Variants in CADPS2 observed in about 807,000 individuals in gnomAD.
CADPS2 encodes calcium-dependent secretion activator 2.
CADPS2 carries 93 observed loss-of-function variants against 172.5 expected under a neutral mutation model. The observed-to-expected ratio is 0.54, with a 90% CI of 0.46 to 0.64. CADPS2 has a LOEUF of 0.64. CADPS2 is among the 30% of genes least tolerant of loss of function. The pLI, the probability that CADPS2 is intolerant of heterozygous loss-of-function variation, is 0.00. For synonymous variants in CADPS2, 546 were observed against 555.2 expected, an observed-to-expected ratio of 0.98 and a Z score of 0.23; for missense variants, 1,420 against 1,565.9, an observed-to-expected ratio of 0.91 and a Z score of 1.57.
At chr7:122,463,669 C>T (rs1056599475) in intron 14 of CADPS2, among the ~76,000 whole-genome samples, 1 of 152,062 alleles carries the variant, frequency 6.6e-6, no homozygotes, top group Non-Finnish European at 1.5e-5. Flanking sequence ...GATGACATAA[C>T]CTCACTAAGG....
At chr7:122,746,650 C>T (rs1175348513) in intron 1 of CADPS2, among the ~76,000 whole-genome samples, 3 of 151,998 alleles carry the variant, frequency 2.0e-5, no homozygotes, top group Admixed American at 1.3e-4. Flanking sequence ...CAGACACACA[C>T]ACACACACAC....
At chr7:122,609,625 C>T (rs1312183985) in intron 6 of CADPS2, among the ~76,000 whole-genome samples, 1 of 152,152 alleles carries the variant, frequency 6.6e-6, no homozygotes, top group African/African-American at 2.4e-5. Flanking sequence ...TCTATCAATA[C>T]CATGTTTATT....
intron 2 of CADPS2, among the ~76,000 whole-genome samples, chr7:122,726,905 A>G (rs1162683714): frequency 1.3e-5 from 2 of 152,032 alleles, no homozygotes; most frequent in African/African-American, 4.8e-5. Context: ...ATAAAACTAA[A>G]TAACTTCCTG....
At chr7:122,669,171 A>T (rs2081497473) in intron 2 of CADPS2, among the ~76,000 whole-genome samples, 1 of 151,944 alleles carries the variant, frequency 6.6e-6, no homozygotes. Context: ...CTCTACCAAA[A>T]ATACAAAAAA....
At chr7:122,503,280 C>T (rs1018650241) in intron 9 of CADPS2, among the ~76,000 whole-genome samples, 2 of 152,064 alleles carry the variant, frequency 1.3e-5, no homozygotes, top group Admixed American at 6.5e-5. Context: ...GTGATCTGCT[C>T]GCCTCGGCCT....
intron 29 of CADPS2, among the ~76,000 whole-genome samples, chr7:122,322,247 A>T (rs943302377): frequency 2.0e-5 from 3 of 152,182 alleles, no homozygotes; most frequent in Non-Finnish European, 4.4e-5. Context: ...TTCTTATTTT[A>T]TTGGAATGAC....
intron 8 of CADPS2, among the ~76,000 whole-genome samples, chr7:122,539,895 C>CT (rs200430516): frequency 0.015 from 2,332 of 151,636 alleles, 61 homozygotes; most frequent in African/African-American, 0.053. Context: ...ATTTTTTCAC[C>CT]TTTTTTTTCC....
At chr7:122,709,623 C>A (rs1045377795) in intron 2 of CADPS2, among the ~76,000 whole-genome samples, 2 of 152,014 alleles carry the variant, frequency 1.3e-5, no homozygotes, top group African/African-American at 4.8e-5. Flanking sequence ...TTTATTGCGG[C>A]ACTATTCACA....
In CADPS2 at chr7:122,736,994, A is replaced by G. The variant is rs775126212; in HGVS notation, c.414T>C (p.Ala138=). 3.1e-6 allele frequency: 5 copies of G among 1,612,596 alleles called. No homozygotes were observed. In the South Asian group the frequency reaches 5.5e-5, roughly 18 times the overall value. The part of the protein sequence containing the change: ...AFLNGETQIV[A]DEAFCNAVRS... ...GAACTGCGTTGCAAAATGCTTCGTC[A>G]GCTACAATTTGGGTTTCCCCATTGA... The change falls in exon 2 of 30, where the codon GCT becomes GCC. Residue 138 remains alanine (A), a synonymous_variant. Transcript: ENST00000449022.
chr7:122,368,372 T>C (rs2041261289), intron 25 of CADPS2, among the ~76,000 whole-genome samples: 1 of 152,154 alleles, frequency 6.6e-6, no homozygotes, highest in Non-Finnish European at 1.5e-5. Flanking sequence ...TATCACTCTT[T>C]CCCTCCCTGG....
chr7:122,418,589 G>T (rs1338004080), intron 17 of CADPS2, among the ~76,000 whole-genome samples: 4 of 152,298 alleles, frequency 2.6e-5, no homozygotes, highest in Middle Eastern at 3.4e-3. Flanking sequence ...GATCCTGAGG[G>T]TCTGGTTTAG....
intron 15 of CADPS2, among the ~76,000 whole-genome samples, chr7:122,447,355 T>A (rs2052393358): frequency 6.6e-6 from 1 of 151,874 alleles, no homozygotes; most frequent in Non-Finnish European, 1.5e-5. Flanking sequence ...CAAGCTCTAT[T>A]CCAAGTGGGC....
chr7:122,778,022 C>CT, intron 1 of CADPS2, among the ~76,000 whole-genome samples: 1 of 152,100 alleles, frequency 6.6e-6, no homozygotes, highest in Admixed American at 6.5e-5. Flanking sequence ...AAGTTTGGAA[C>CT]TTCCTAGAGA....
At chr7:122,431,119 C>T (rs551521539) in intron 17 of CADPS2, among the ~76,000 whole-genome samples, 1 of 152,310 alleles carries the variant, frequency 6.6e-6, no homozygotes, top group East Asian at 1.9e-4. Flanking sequence ...TTAGTTTTTG[C>T]CCTAAATTTT....
intron 14 of CADPS2, among the ~76,000 whole-genome samples, chr7:122,461,173 A>G (rs2054387071): frequency 6.6e-6 from 1 of 152,220 alleles, no homozygotes; most frequent in Non-Finnish European, 1.5e-5. Context: ...AAAACATTAC[A>G]CAGGATGCAG....
In CADPS2 at chr7:122,663,250, T is replaced by C. The variant is rs2080811060; in HGVS notation, c.773A>G (p.Tyr258Cys). ...GAGACCACTTACCTGACATGCATTA[T>C]AAAGGAGCTGGTGTTCCAGTTTTTT... ...GIKKLEHQLL[Y>C]NACQLDNADE... Residue 258 changes from tyrosine (Y) to cysteine (C), a missense_variant, in exon 3 of 30, where the codon TAT becomes TGT. Transcript: ENST00000449022. 3.1e-6 allele frequency: 5 copies of C among 1,610,688 alleles called. No individual in the cohort carries two copies. The highest frequency in any genetic ancestry group is 1.7e-4 in the Middle Eastern group (1 of 6,048).
chr7:122,671,980 A>G (rs1404324783), intron 2 of CADPS2, among the ~76,000 whole-genome samples: 1 of 152,210 alleles, frequency 6.6e-6, no homozygotes, highest in African/African-American at 2.4e-5. Flanking sequence ...CCTTGTCCAT[A>G]TGAAAAGGGG....
intron 1 of CADPS2, among the ~76,000 whole-genome samples, chr7:122,872,982 C>T (rs932749989): frequency 1.3e-5 from 2 of 151,872 alleles, no homozygotes; most frequent in Admixed American, 6.6e-5. Context: ...ATAAGGAAGG[C>T]GAAGGAAGAG....
At chr7:122,750,922 G>C (rs1162661102) in intron 1 of CADPS2, among the ~76,000 whole-genome samples, 1 of 152,076 alleles carries the variant, frequency 6.6e-6, no homozygotes, top group Non-Finnish European at 1.5e-5. Flanking sequence ...AAAAGCTGAG[G>C]AGAGCTCAGT....
Sources: allele counts gnomAD v4.1 joint callset (sites outside exome capture counted in the v4.1 genomes callset), GRCh38; gene constraint gnomAD v4.1.1; transcripts MANE v1.5; gene names NCBI Gene and HGNC (gene_info 2026-07-23, HGNC 2026-07-21).